Variants in WIPF1 observed in about 807,000 individuals in gnomAD.
The protein encoded by WIPF1 is WAS/WASL interacting protein family member 1, also known as WAS/WASL-interacting protein family member 1.
In WIPF1, 13 loss-of-function variants were observed where a neutral mutation model predicts 35.4. The observed-to-expected ratio is 0.37, with a 90% CI of 0.24 to 0.58. WIPF1 has a LOEUF of 0.58. Ranked by LOEUF, WIPF1 falls within the 20% of genes least tolerant of loss-of-function variation. The probability of loss-of-function intolerance (pLI) is 0.74; values close to 1 mark genes in which losing one functional copy is unlikely to be tolerated. For synonymous variants in WIPF1, 267 were observed against 266.3 expected, an observed-to-expected ratio of 1.00 and a Z score of -0.02; for missense variants, 591 against 667.0, an observed-to-expected ratio of 0.89 and a Z score of 1.25.
At chr2:174,663,480 C>T (rs570554448) in intron 1 of WIPF1, among the ~76,000 whole-genome samples, 1 of 151,930 alleles carries the variant, frequency 6.6e-6, no homozygotes, top group Non-Finnish European at 1.5e-5. Flanking sequence ...CCCCCCACCC[C>T]GCCGCCCCCT....
intron 1 of WIPF1, among the ~76,000 whole-genome samples, chr2:174,597,261 G>A (rs1371099573): frequency 1.3e-5 from 2 of 152,194 alleles, no homozygotes; most frequent in African/African-American, 4.8e-5. Flanking sequence ...AAAGGCAGTT[G>A]TGTGGACAAC....
chr2:174,585,615 GA>G lies in WIPF1; in HGVS notation c.-38-5del. The G allele has an allele frequency of 6.3e-7, 1 of 1,581,650 alleles. No individual in the cohort carries two copies. The highest frequency in any genetic ancestry group is 8.7e-7 in the Non-Finnish European group (1 of 1,153,242). ...TTCAACAGTCTTGCTGATAAATCTG[GA>G]AAAACAAGAATGCGATCATGTATTA... On this transcript the variant is annotated splice_region_variant and splice_polypyrimidine_tract_variant and intron_variant, in intron 1 of 7. Transcript: ENST00000679041.
intron 1 of WIPF1, among the ~76,000 whole-genome samples, chr2:174,595,109 A>AAAAAAAAATATAT (rs1553529785): frequency 3.5e-4 from 20 of 57,738 alleles, no homozygotes; most frequent in Admixed American, 5.6e-4. Flanking sequence ...AAAAAAAAAA[A>AAAAAAAAATATAT]ATATATATAT....
At chr2:174,682,892 G>C (rs957828108) in exon 1 of WIPF1, 1 of 152,178 alleles carries the variant, frequency 6.6e-6, no homozygotes, top group African/African-American at 2.4e-5. Flanking sequence ...TCAGCGCCGG[G>C]AGGCTGCGAC....
chr2:174,606,144 A>G (rs934347261), intron 1 of WIPF1, among the ~76,000 whole-genome samples: 1 of 152,226 alleles, frequency 6.6e-6, no homozygotes, highest in African/African-American at 2.4e-5. Context: ...TCCAACCAAC[A>G]AAAGAACAGA....
intron 1 of WIPF1, among the ~76,000 whole-genome samples, chr2:174,654,245 C>T (rs1269413515): frequency 6.6e-6 from 1 of 152,190 alleles, no homozygotes; most frequent in South Asian, 2.1e-4. Flanking sequence ...TCTGAGGCTA[C>T]AGATATTTCT....
rs944869194 is a variant in WIPF1, at chr2:174,571,510, G to A, written c.1129+166C>T. On this transcript the variant is annotated intron_variant, in intron 5 of 7. Transcript: ENST00000679041. This position sits in a 1 kb window ranked among gnomAD's most constrained non-coding sequence, Gnocchi z 4.6. ...GAAATATTGGTCCCACTTTCCCCCG[G>A]GGTTTACACGAGGTCACGATCACAC... is the stretch of plus-strand genomic sequence containing the variant. 1 of 896,222 alleles carries A rather than the reference G, an allele frequency of 1.1e-6. No individual in the cohort carries two copies. The highest frequency in any genetic ancestry group is 1.6e-5 in the African/African-American group (1 of 61,190). 55.5% of individuals were successfully genotyped at this position (896,222 alleles called of 1,614,324 possible).
At chr2:174,637,626 A>C (rs1687210319) in intron 1 of WIPF1, among the ~76,000 whole-genome samples, 1 of 152,160 alleles carries the variant, frequency 6.6e-6, no homozygotes, top group African/African-American at 2.4e-5. Context: ...TCTCTACTAA[A>C]AATACAAAAA....
At chr2:174,659,803 G>A (rs1382410279) in intron 1 of WIPF1, among the ~76,000 whole-genome samples, 3 of 152,236 alleles carry the variant, frequency 2.0e-5, no homozygotes, top group Non-Finnish European at 4.4e-5. Flanking sequence ...ATTTATCTGC[G>A]TATAGTAAGT....
At chr2:174,678,951 C>T (rs1245721494) in intron 1 of WIPF1, among the ~76,000 whole-genome samples, 1 of 152,224 alleles carries the variant, frequency 6.6e-6, no homozygotes. Flanking sequence ...AAAGCAGTTC[C>T]TGCGTTTAGG....
chr2:174,633,407 C>T (rs1687087930), intron 1 of WIPF1, among the ~76,000 whole-genome samples: 1 of 152,252 alleles, frequency 6.6e-6, no homozygotes, highest in African/African-American at 2.4e-5. Flanking sequence ...TTGCTCTCCT[C>T]TCCTCCTTAT....
intron 1 of WIPF1, among the ~76,000 whole-genome samples, chr2:174,681,189 G>A (rs911842644): frequency 1.3e-5 from 2 of 152,204 alleles, no homozygotes; most frequent in Admixed American, 1.3e-4. Context: ...CAGGGAGGAA[G>A]ACAATATTAC....
intron 1 of WIPF1, among the ~76,000 whole-genome samples, chr2:174,621,068 A>G (rs1686658466): frequency 2.0e-5 from 3 of 152,194 alleles, no homozygotes; most frequent in Admixed American, 1.3e-4. Flanking sequence ...CAGCGATGCC[A>G]TGGTCAAAGT....
At chr2:174,600,912 CTTTTTTTTTT>C (rs1157973597), upstream of WIPF1, among the ~76,000 whole-genome samples, 13 of 65,434 alleles carry the variant, frequency 2.0e-4, no homozygotes, top group South Asian at 9.5e-4. Context: ...CATAATGTTC[CTTTTTTTTTT>C]TTTTTTTTTT....
chr2:174,640,772 A>G (rs889745685), intron 1 of WIPF1, among the ~76,000 whole-genome samples: 1 of 151,902 alleles, frequency 6.6e-6, no homozygotes, highest in Non-Finnish European at 1.5e-5. Flanking sequence ...TTTAATTTTA[A>G]TTCTTTAATT....
chr2:174,675,751 C>T (rs1199873531), intron 1 of WIPF1, among the ~76,000 whole-genome samples: 1 of 148,932 alleles, frequency 6.7e-6, no homozygotes, highest in East Asian at 2.0e-4. Flanking sequence ...AGCACCTGGA[C>T]TTGTGGTTAA....
rs1221156008 is a variant in WIPF1, at chr2:174,674,474, A to G, written c.-39+8300T>C. Among the ~76,000 whole-genome samples, 5 of 152,246 alleles carry G rather than the reference A, an allele frequency of 3.3e-5. No individual in the cohort carries two copies. The East Asian group carries it at 9.6e-4, about 29-fold the overall frequency. ...TTAGAAGAGGAAAATTGGAATTGAA[A>G]GGTCTACATTTACTTTACTATAAAC... On this transcript the variant is annotated intron_variant, in intron 1 of 8. Transcript: ENST00000272746.
chr2:174,635,757 T>C (rs1387838332), intron 1 of WIPF1, among the ~76,000 whole-genome samples: 1 of 151,614 alleles, frequency 6.6e-6, no homozygotes, highest in East Asian at 1.9e-4. Context: ...TTAAATGGAT[T>C]TTTTTGTTTG....
intron 1 of WIPF1, among the ~76,000 whole-genome samples, chr2:174,671,878 T>A (rs1688026818): frequency 6.6e-6 from 1 of 152,182 alleles, no homozygotes. Context: ...GCAATTTTAA[T>A]TTCACCCCGT....
Sources: allele counts gnomAD v4.1 joint callset (sites outside exome capture counted in the v4.1 genomes callset), GRCh38; gene constraint gnomAD v4.1.1; non-coding constraint Gnocchi (gnomAD v3.1); transcripts MANE v1.5; gene names NCBI Gene and HGNC (gene_info 2026-07-23, HGNC 2026-07-21).